Variants in SGCZ observed in about 807,000 individuals in gnomAD.
SGCZ encodes zeta-sarcoglycan.
Under a neutral mutation model 41.3 loss-of-function variants are expected in SGCZ, and 40 were observed. The observed-to-expected ratio is 0.97, with a 90% CI of 0.75 to 1.26. The LOEUF is 1.26. Ranked by LOEUF, SGCZ falls within the 50% of genes most tolerant of loss-of-function variation. The pLI, the probability that SGCZ is intolerant of heterozygous loss-of-function variation, is 0.00. For missense variants in SGCZ, 552 were observed against 369.8 expected (o/e 1.49, Z -4.04); for synonymous variants, 206 against 137.5 (o/e 1.50, Z -3.49).
chr8:14,282,949 A>G (rs1464868954), intron 3 of SGCZ, among the ~76,000 whole-genome samples: 2 of 137,458 alleles, frequency 1.5e-5, no homozygotes, highest in African/African-American at 2.8e-5. Context: ...TCCAGGGTTC[A>G]CGCCATTCTC....
intron 2 of SGCZ, among the ~76,000 whole-genome samples, chr8:14,412,987 T>C (rs1198185135): frequency 6.6e-6 from 1 of 151,998 alleles, no homozygotes; most frequent in Non-Finnish European, 1.5e-5. Context: ...ATTTGTATAT[T>C]AAACTTTTGT....
At chr8:14,606,078 C>T (rs1292858958) in intron 1 of SGCZ, among the ~76,000 whole-genome samples, 2 of 152,050 alleles carry the variant, frequency 1.3e-5, no homozygotes, top group African/African-American at 4.8e-5. Context: ...AAATATAACA[C>T]TAATATATCC....
At chr8:14,797,881 C>A (rs2130491395) in intron 1 of SGCZ, among the ~76,000 whole-genome samples, 1 of 152,338 alleles carries the variant, frequency 6.6e-6, no homozygotes, top group Non-Finnish European at 1.5e-5. Context: ...GTGAAAACCC[C>A]AAGCCTTGGC....
At chr8:15,225,067 A>C (rs1321656536) in intron 1 of SGCZ, among the ~76,000 whole-genome samples, 1 of 152,220 alleles carries the variant, frequency 6.6e-6, no homozygotes, top group Non-Finnish European at 1.5e-5. Context: ...CAATTAAAAC[A>C]GCATAAATAA....
chr8:14,896,117 G>A (rs1805189775), intron 1 of SGCZ, among the ~76,000 whole-genome samples: 1 of 152,172 alleles, frequency 6.6e-6, no homozygotes, highest in Non-Finnish European at 1.5e-5. Context: ...CCCAAAAATA[G>A]AAAGTGAAGA....
In SGCZ at chr8:14,519,005, T is replaced by C. The variant is rs1585623772; in HGVS notation, c.234+35727A>G. ...AATCGCTTGAACCCAGGAGGCATAG[T>C]TTGCAGTGAGCCAAGATCGCACCAC... On this transcript the variant is annotated intron_variant, in intron 2 of 7. Coordinates refer to ENST00000382080, the MANE Select transcript of SGCZ (RefSeq NM_139167.4). 2.0e-5 allele frequency among the ~76,000 whole-genome samples: 3 copies of C among 150,220 alleles called. No individual in the cohort carries two copies. In the South Asian group the frequency reaches 6.3e-4, roughly 32 times the overall value.
intron 5 of SGCZ, among the ~76,000 whole-genome samples, chr8:14,126,815 T>C (rs1802875897): frequency 6.6e-6 from 1 of 152,118 alleles, no homozygotes; most frequent in South Asian, 2.1e-4. Context: ...TAAAAGGGAA[T>C]GAGATCATGT....
intron 5 of SGCZ, among the ~76,000 whole-genome samples, chr8:14,110,521 G>C (rs1172018135): frequency 1.3e-5 from 2 of 152,036 alleles, no homozygotes; most frequent in Non-Finnish European, 1.5e-5. Flanking sequence ...CATTTTTAAA[G>C]GATTCTTGAA....
At position 14,267,096 on chromosome 8, in the gene SGCZ, T is replaced by C. The variant is rs549922255; in HGVS notation, c.337-29417A>G. Among the ~76,000 whole-genome samples the C allele has an allele frequency of 1.4e-4, 22 of 152,248 alleles. No homozygotes were observed. In the South Asian group the frequency reaches 4.6e-3, roughly 32 times the overall value. On this transcript the variant is annotated intron_variant, in intron 3 of 7. Coordinates refer to ENST00000382080, the MANE Select transcript of SGCZ (RefSeq NM_139167.4). ...TTTTCTTATTTAATTTGGAATATAA[T>C]GAGTGTGGTAGATAATAGTCCTTTT...
At chr8:14,551,448 ATATATAT>A (rs1563404014) in intron 2 of SGCZ, among the ~76,000 whole-genome samples, 3 of 2,398 alleles carry the variant, frequency 1.3e-3, no homozygotes, top group East Asian at 0.12. Flanking sequence ...ACTATTTCAT[ATATATAT>A]TATATATATT....
chr8:14,240,519 T>C (rs1284797165), intron 3 of SGCZ, among the ~76,000 whole-genome samples: 1 of 151,636 alleles, frequency 6.6e-6, no homozygotes, highest in Non-Finnish European at 1.5e-5. Context: ...ATTTTATATC[T>C]AGATTAAAAT....
chr8:14,682,372 C>A (rs1023516616), intron 1 of SGCZ, among the ~76,000 whole-genome samples: 1 of 152,086 alleles, frequency 6.6e-6, no homozygotes, highest in Non-Finnish European at 1.5e-5. Context: ...AGATTATGTA[C>A]CACTTTGTAT....
intron 1 of SGCZ, among the ~76,000 whole-genome samples, chr8:14,631,718 C>T (rs1288199092): frequency 6.6e-6 from 1 of 152,000 alleles, no homozygotes; most frequent in African/African-American, 2.4e-5. Flanking sequence ...GCTTTATCTA[C>T]CATTAGTATT....
At chr8:14,399,984 A>G (rs375075757) in intron 2 of SGCZ, among the ~76,000 whole-genome samples, 2 of 152,134 alleles carry the variant, frequency 1.3e-5, no homozygotes, top group African/African-American at 2.4e-5. Context: ...CTCATTAGCT[A>G]TCAGTTCCCA....
chr8:14,459,603 C>T (rs774746501), intron 2 of SGCZ, among the ~76,000 whole-genome samples: 6 of 152,010 alleles, frequency 3.9e-5, no homozygotes. Context: ...TATCTCAAGA[C>T]ATTTATTAAT....
chr8:14,381,711 A>G (rs1406943659), intron 2 of SGCZ, among the ~76,000 whole-genome samples: 2 of 151,934 alleles, frequency 1.3e-5, no homozygotes, highest in Non-Finnish European at 2.9e-5. Context: ...TCTTGAGCCC[A>G]GGAGGTCGAG....
intron 1 of SGCZ, among the ~76,000 whole-genome samples, chr8:14,874,043 G>A (rs1003463436): frequency 5.1e-4 from 78 of 152,140 alleles, no homozygotes; most frequent in African/African-American, 1.8e-3. Flanking sequence ...GGAAAACTGT[G>A]ATTTACTTTT....
At chr8:14,384,304 T>G (rs1804487322) in intron 2 of SGCZ, among the ~76,000 whole-genome samples, 2 of 152,210 alleles carry the variant, frequency 1.3e-5, no homozygotes, top group African/African-American at 4.8e-5. Context: ...CTTATCATTT[T>G]TTTATGGCTG....
At chr8:14,489,828 TG>T (rs1160592263) in intron 2 of SGCZ, among the ~76,000 whole-genome samples, 1 of 151,444 alleles carries the variant, frequency 6.6e-6, no homozygotes, top group African/African-American at 2.4e-5. Context: ...CCTAACATCA[TG>T]CAGCAGATTT....
Sources: gnomAD v4.1 joint callset for allele counts (sites outside exome capture counted in the v4.1 genomes callset) on GRCh38, gnomAD v4.1.1 for gene constraint, MANE v1.5 for transcripts, NCBI Gene and HGNC (gene_info 2026-07-23, HGNC 2026-07-21) for gene names.